The following CDH12 variants were observed in gnomAD, a reference collection of about 807,000 sequenced individuals.
CDH12 encodes the protein cadherin 12.
Under a neutral mutation model 74.1 loss-of-function variants are expected in CDH12, and 41 were observed. The ratio of observed to expected loss-of-function variants is 0.55; its 90% CI spans 0.43 to 0.72. The LOEUF (loss-of-function observed/expected upper bound fraction) is 0.72. Ranked by LOEUF, CDH12 falls within the 30% of genes least tolerant of loss-of-function variation. The pLI, the probability that CDH12 is intolerant of heterozygous loss-of-function variation, is 0.00. For synonymous variants in CDH12, 399 were observed against 355.0 expected, an observed-to-expected ratio of 1.12 and a Z score of -1.39; for missense variants, 945 against 977.2, an observed-to-expected ratio of 0.97 and a Z score of 0.44.
intron 1 of CDH12, among the ~76,000 whole-genome samples, chr5:22,793,241 G>T (rs1052009336): frequency 6.6e-6 from 1 of 152,158 alleles, no homozygotes; most frequent in Admixed American, 6.5e-5. Context: ...TAGATTTGGG[G>T]TCAAAACCTT....
chr5:22,521,683 C>T (rs1050504583), intron 1 of CDH12, among the ~76,000 whole-genome samples: 3 of 152,098 alleles, frequency 2.0e-5, no homozygotes, highest in African/African-American at 7.2e-5. Context: ...ATATTTTAGG[C>T]TTAGCAAGCC....
intron 1 of CDH12, among the ~76,000 whole-genome samples, chr5:22,699,448 A>T (rs1359246558): frequency 1.3e-5 from 2 of 151,374 alleles, no homozygotes; most frequent in African/African-American, 4.9e-5. Flanking sequence ...GCTTTGATAC[A>T]CAAAAGCTCT....
chr5:22,050,224 G>A (rs190179498), intron 5 of CDH12, among the ~76,000 whole-genome samples: 24 of 151,842 alleles, frequency 1.6e-4, no homozygotes, highest in East Asian at 5.8e-4. Context: ...TACATAAAGC[G>A]TCCCTGATTT....
intron 1 of CDH12, among the ~76,000 whole-genome samples, chr5:22,681,086 AC>A (rs1244032400): frequency 6.6e-6 from 1 of 152,108 alleles, no homozygotes; most frequent in Non-Finnish European, 1.5e-5. Flanking sequence ...TTAATTAATT[AC>A]CTCATGGTTA....
rs139076535 is a variant in CDH12 at position 21,752,017 on chromosome 5, C to T, written c.2105G>A (p.Arg702His). The change falls in exon 15 of 15, where the codon CGT becomes CAT. Residue 702 changes from arginine to histidine, a missense_variant. Physicochemically the swap from Arg to His is conservative, Grantham distance 29. This residue lies in a region of CDH12 where 791 missense variants were observed against 792.8 expected (regional missense o/e 1.00). Coordinates refer to ENST00000382254, the MANE Select transcript of CDH12 (RefSeq NM_004061.5). ...DIKPDSLCLP[R>H]QRPPMEDNTD... is the part of the protein sequence containing the mutation. ...GTTATCTTCCATGGGTGGTCTCTGA[C>T]GAGGTAAACAGAGAGAGTCTGGTTT... The T allele has an allele frequency of 7.1e-5, 114 of 1,613,936 alleles. 3 individuals are homozygous for T. The highest frequency in any genetic ancestry group is 1.2e-4 in the Admixed American group (7 of 59,976).
At chr5:22,632,265 G>A (rs1388507430) in intron 1 of CDH12, among the ~76,000 whole-genome samples, 1 of 152,092 alleles carries the variant, frequency 6.6e-6, no homozygotes, top group Non-Finnish European at 1.5e-5. Context: ...ACAGCCTGCA[G>A]AACAATGAGA....
intron 1 of CDH12, among the ~76,000 whole-genome samples, chr5:22,734,757 AAT>A (rs1156263490): frequency 6.6e-6 from 1 of 151,926 alleles, no homozygotes; most frequent in Non-Finnish European, 1.5e-5. Flanking sequence ...GGTCTACGAT[AAT>A]GTTCTTAGTA....
At chr5:22,066,214 T>C (rs1481180102) in intron 5 of CDH12, among the ~76,000 whole-genome samples, 3 of 152,160 alleles carry the variant, frequency 2.0e-5, no homozygotes, top group East Asian at 1.9e-4. Flanking sequence ...GTTGGTGATA[T>C]GAGTAAGTTC....
intron 2 of CDH12, among the ~76,000 whole-genome samples, chr5:22,475,249 G>T (rs1325893322): frequency 1.3e-5 from 2 of 151,676 alleles, no homozygotes; most frequent in Non-Finnish European, 2.9e-5. Context: ...GATTGTAAAT[G>T]TCTTATTTAT....
intron 1 of CDH12, among the ~76,000 whole-genome samples, chr5:22,620,163 T>C (rs1037120887): frequency 1.3e-5 from 2 of 152,084 alleles, no homozygotes; most frequent in African/African-American, 4.8e-5. Context: ...AGAATGCAAG[T>C]CACAAATAAG....
intron 3 of CDH12, among the ~76,000 whole-genome samples, chr5:22,294,396 T>G (rs1737534190): frequency 2.0e-5 from 3 of 152,152 alleles, no homozygotes; most frequent in Admixed American, 1.3e-4. Context: ...ATTCCCAAAC[T>G]GTTACCCCCC....
At chr5:22,745,098 T>C (rs1745225268) in intron 1 of CDH12, among the ~76,000 whole-genome samples, 1 of 151,712 alleles carries the variant, frequency 6.6e-6, no homozygotes, top group Non-Finnish European at 1.5e-5. Context: ...TATCTATAGT[T>C]ATACCACAAT....
chr5:22,339,934 T>C (rs970866144), intron 3 of CDH12, among the ~76,000 whole-genome samples: 1 of 152,208 alleles, frequency 6.6e-6, no homozygotes, highest in African/African-American at 2.4e-5. Context: ...TAATTATGTA[T>C]TGCTAATATT....
intron 4 of CDH12, among the ~76,000 whole-genome samples, chr5:22,108,521 G>C (rs1744624920): frequency 6.6e-6 from 1 of 152,246 alleles, no homozygotes; most frequent in Admixed American, 6.5e-5. Flanking sequence ...AAGGCGTGGG[G>C]AAGAGGGATG....
rs1561586099 is a variant in CDH12 at position 22,698,729 on chromosome 5, ATATATAGTGTGTGT to A, written c.-523+154315_-523+154328del. Among the ~76,000 whole-genome samples, 22 of 7,694 alleles carry A rather than the reference ATATATAGTGTGTGT, an allele frequency of 2.9e-3. 3 individuals carry two copies. Among genetic ancestry groups the A allele is most frequent in the African/African-American group, 6.0e-3 (14 of 2,316 alleles). The allele number at this position is 7,694 out of a possible 152,430, so 5.0% of individuals were successfully genotyped here. On this transcript the variant is annotated intron_variant, in intron 1 of 14. Coordinates refer to ENST00000382254, the MANE Select transcript of CDH12 (RefSeq NM_004061.5). ...TATATATATATATATATATATATATATATATAGTGTGTGTGTGTGTGTGTGTGTGTGTGTGTGTG... is the reference window on the plus strand; with the variant it reads ...TATATATATATATATATATATATATAGTGTGTGTGTGTGTGTGTGTGTGTG...
At chr5:22,400,106 C>G (rs1055951418) in intron 3 of CDH12, among the ~76,000 whole-genome samples, 4 of 152,142 alleles carry the variant, frequency 2.6e-5, no homozygotes, top group Admixed American at 2.6e-4. Flanking sequence ...ATATACTTCC[C>G]CCCTTTCTAG....
chr5:21,814,895 C>T (rs1021741568), intron 9 of CDH12, among the ~76,000 whole-genome samples: 1 of 151,606 alleles, frequency 6.6e-6, no homozygotes, highest in Non-Finnish European at 1.5e-5. Flanking sequence ...GAAGACTTTA[C>T]ATTGATTTGG....
chr5:22,314,433 C>T, intron 3 of CDH12, among the ~76,000 whole-genome samples: 1 of 152,076 alleles, frequency 6.6e-6, no homozygotes, highest in East Asian at 1.9e-4. Flanking sequence ...TCGGGTTGCA[C>T]GCACACAGAG....
At chr5:22,153,188 T>C (rs1170124123) in intron 4 of CDH12, among the ~76,000 whole-genome samples, 3 of 151,152 alleles carry the variant, frequency 2.0e-5, no homozygotes, top group South Asian at 4.2e-4. Context: ...CTTTTCTTTT[T>C]TTTTTTTTTT....
Sources: gnomAD v4.1 joint callset for allele counts (sites outside exome capture counted in the v4.1 genomes callset) on GRCh38, gnomAD v4.1.1 for gene constraint, gnomAD v4.1.1 regional missense constraint, MANE v1.5 for transcripts, NCBI Gene and HGNC (gene_info 2026-07-23, HGNC 2026-07-21) for gene names.